EXOC4: variants seen among roughly 807,000 people sequenced by gnomAD.
EXOC4 encodes the protein exocyst complex component 4.
In EXOC4, 71 loss-of-function variants were observed where a neutral mutation model predicts 107.2. The ratio of observed to expected loss-of-function variants is 0.66; its 90% confidence interval spans 0.55 to 0.81. EXOC4 has a LOEUF of 0.81. Among genes scored for constraint, EXOC4 ranks in the 30% least tolerant of loss-of-function variants. The pLI, the probability that EXOC4 is intolerant of heterozygous loss-of-function variation, is 0.00. For missense variants in EXOC4, 1,108 were observed against 1,189.6 expected (o/e 0.93, Z 1.01); for synonymous variants, 456 against 441.2 (o/e 1.03, Z -0.42).
intron 5 of EXOC4, among the ~76,000 whole-genome samples, chr7:133,326,820 G>A (rs530221586): frequency 5.8e-4 from 88 of 152,240 alleles, no homozygotes; most frequent in South Asian, 8.3e-4. Flanking sequence ...AGTCTACAAA[G>A]GTAGGCAGGC....
intron 14 of EXOC4, among the ~76,000 whole-genome samples, chr7:133,976,917 G>A (rs1441380018): frequency 6.6e-6 from 1 of 152,200 alleles, no homozygotes; most frequent in Non-Finnish European, 1.5e-5. Context: ...CTTTTTAAAA[G>A]TGAATGTTCT....
intron 17 of EXOC4, 36 bp from the exon 18 acceptor site, chr7:134,064,255 G>T: frequency 7.4e-7 from 1 of 1,354,416 alleles, no homozygotes; most frequent in South Asian, 1.8e-5. Flanking sequence ...TTACCAGTGG[G>T]GAGCCAGTGA....
At chr7:134,044,526 T>C (rs1008678772) in intron 17 of EXOC4, among the ~76,000 whole-genome samples, 15 of 152,174 alleles carry the variant, frequency 9.9e-5, no homozygotes, top group African/African-American at 3.6e-4. Context: ...CTGTATCTGC[T>C]GAGATCACAG....
intron 10 of EXOC4, among the ~76,000 whole-genome samples, chr7:133,707,246 T>G (rs188664074): frequency 1.3e-3 from 201 of 152,202 alleles, no homozygotes; most frequent in Non-Finnish European, 2.5e-3. Flanking sequence ...ACAGAAAATG[T>G]GGTGGTGCAT....
intron 7 of EXOC4, among the ~76,000 whole-genome samples, chr7:133,414,714 A>G (rs1797435387): frequency 6.6e-6 from 1 of 152,170 alleles, no homozygotes; most frequent in South Asian, 2.1e-4. Flanking sequence ...TAACTATTAT[A>G]TATGTGATAT....
At chr7:134,062,811 C>A (rs950691466) in intron 17 of EXOC4, among the ~76,000 whole-genome samples, 4 of 152,200 alleles carry the variant, frequency 2.6e-5, no homozygotes, top group African/African-American at 9.6e-5. Flanking sequence ...GAGTGGTCAT[C>A]TTCTCCCCTT....
chr7:133,488,817 A>G (rs1253229264), intron 9 of EXOC4, among the ~76,000 whole-genome samples: 1 of 151,878 alleles, frequency 6.6e-6, no homozygotes, highest in Non-Finnish European at 1.5e-5. Flanking sequence ...AAAATGAATG[A>G]ACTATGCTAT....
intron 7 of EXOC4, among the ~76,000 whole-genome samples, chr7:133,387,370 A>G (rs1359699827): frequency 1.3e-5 from 2 of 152,210 alleles, no homozygotes; most frequent in African/African-American, 4.8e-5. Flanking sequence ...GTACATTACT[A>G]TAAAGGGAAA....
intron 11 of EXOC4, among the ~76,000 whole-genome samples, chr7:133,848,717 A>G (rs1043538827): frequency 2.6e-5 from 4 of 152,128 alleles, no homozygotes; most frequent in African/African-American, 7.2e-5. Context: ...GGGATCTAAA[A>G]TGTTCTCATT....
At chr7:133,513,639 C>G (rs1029212914) in intron 9 of EXOC4, among the ~76,000 whole-genome samples, 21 of 152,250 alleles carry the variant, frequency 1.4e-4, no homozygotes, top group Middle Eastern at 3.4e-3. Context: ...TATTGTCAGG[C>G]ATTTTCTTCC....
rs569378867 is a variant in EXOC4, at chr7:133,698,019, G to A, written c.1514+67878G>A. Among the ~76,000 whole-genome samples, 5 of 152,266 alleles carry A rather than the reference G, an allele frequency of 3.3e-5. No individual in the cohort carries two copies. The South Asian group carries it at 1.0e-3, about 32-fold the overall frequency. On this transcript the variant is annotated intron_variant, in intron 10 of 17. Coordinates refer to ENST00000253861, the MANE Select transcript of EXOC4 (RefSeq NM_021807.4). Reference sequence around the variant, plus strand: ...CAGCTCTGCTGTAAAACCAAAGTTAGCTGTTTTATAAATGTGTTGTACTGA... The same window carrying A: ...CAGCTCTGCTGTAAAACCAAAGTTAACTGTTTTATAAATGTGTTGTACTGA...
chr7:133,528,440 T>C (rs1800120646), intron 9 of EXOC4, among the ~76,000 whole-genome samples: 2 of 152,256 alleles, frequency 1.3e-5, no homozygotes, highest in Non-Finnish European at 1.5e-5. Context: ...AGTGATTCCT[T>C]GATAGGAGCT....
chr7:133,309,444 TAAAAA>T (rs568214349), intron 4 of EXOC4, among the ~76,000 whole-genome samples: 6 of 152,012 alleles, frequency 3.9e-5, no homozygotes, highest in African/African-American at 1.4e-4. Context: ...GAATTTATAA[TAAAAA>T]AAATTAGTAT....
chr7:133,874,931 G>A (rs1215895308), intron 11 of EXOC4, among the ~76,000 whole-genome samples: 2 of 152,228 alleles, frequency 1.3e-5, no homozygotes, highest in Non-Finnish European at 2.9e-5. Context: ...AGGAGTGGCT[G>A]AGGACATGTA....
chr7:133,670,421 C>T (rs1161496053), intron 10 of EXOC4, among the ~76,000 whole-genome samples: 10 of 152,154 alleles, frequency 6.6e-5, no homozygotes, highest in Admixed American at 5.9e-4. Context: ...CAATTTGATT[C>T]CATGTGTGAC....
At chr7:133,938,113 T>A in intron 14 of EXOC4, 44 bp downstream of exon 14, 1 of 1,586,382 alleles carries the variant, frequency 6.3e-7, no homozygotes, top group Non-Finnish European at 8.6e-7. Flanking sequence ...GTTGAGGAAC[T>A]AGACTGAATG....
intron 7 of EXOC4, among the ~76,000 whole-genome samples, chr7:133,464,582 T>TTA (rs2150830020): frequency 6.6e-6 from 1 of 152,162 alleles, no homozygotes; most frequent in South Asian, 2.1e-4. Flanking sequence ...GTTGGTGACC[T>TTA]TATAGATGGA....
At chr7:133,823,254 T>G (rs1433232672) in intron 11 of EXOC4, among the ~76,000 whole-genome samples, 1 of 152,198 alleles carries the variant, frequency 6.6e-6, no homozygotes, top group Non-Finnish European at 1.5e-5. Flanking sequence ...CACTGTCATC[T>G]CTTCCTCTGC....
At chr7:133,642,976 C>A (rs1008383717) in intron 10 of EXOC4, among the ~76,000 whole-genome samples, 2 of 152,186 alleles carry the variant, frequency 1.3e-5, no homozygotes, top group African/African-American at 4.8e-5. Flanking sequence ...CCAACTTTTT[C>A]CTGTGCCTGC....
Sources: allele counts gnomAD v4.1 joint callset (sites outside exome capture counted in the v4.1 genomes callset), GRCh38; gene constraint gnomAD v4.1.1; transcripts MANE v1.5; gene names NCBI Gene and HGNC (gene_info 2026-07-23, HGNC 2026-07-21).